TMCO5A: variants seen among roughly 807,000 people sequenced by gnomAD.
TMCO5A encodes the protein transmembrane and coiled-coil domain-containing protein 5A.
A neutral mutation model predicts 42.3 loss-of-function variants in TMCO5A; 34 were observed. The observed-to-expected ratio is 0.80, with a 90% CI of 0.61 to 1.07. The LOEUF is 1.07. TMCO5A is among the 50% of genes least tolerant of loss of function. TMCO5A has a pLI of 0.00. For missense variants in TMCO5A, 357 were observed against 327.9 expected (o/e 1.09, Z -0.69); for synonymous variants, 131 against 115.6 (o/e 1.13, Z -0.86).
the TMCO5A span, among the ~76,000 whole-genome samples, chr15:37,989,333 C>A: frequency 1.3e-5 from 2 of 151,670 alleles, no homozygotes; most frequent in African/African-American, 2.4e-5. Context: ...TTATTTGTTT[C>A]TTCCTGCTAG....
the TMCO5A span, among the ~76,000 whole-genome samples, chr15:37,996,740 T>C: frequency 3.6e-4 from 55 of 152,286 alleles, no homozygotes; most frequent in African/African-American, 1.3e-3. Flanking sequence ...AAGCTGATAC[T>C]AATAACAATG....
chr15:38,038,090 C>G, the TMCO5A span, among the ~76,000 whole-genome samples: 2 of 152,054 alleles, frequency 1.3e-5, no homozygotes, highest in South Asian at 4.2e-4. Flanking sequence ...ATAAACATTC[C>G]TCACCATCCT....
downstream of TMCO5A, among the ~76,000 whole-genome samples, chr15:37,954,331 T>C (rs1276061944): frequency 6.6e-6 from 1 of 152,050 alleles, no homozygotes. Context: ...TAATGTACAA[T>C]GGAGCTGTAA....
chr15:37,978,947 T>C, the TMCO5A span, among the ~76,000 whole-genome samples: 15 of 151,260 alleles, frequency 9.9e-5, no homozygotes, highest in Non-Finnish European at 1.9e-4. Context: ...TCGAGGGGCA[T>C]TGCCACACAC....
At chr15:37,937,539 C>A in intron 5 of TMCO5A, 143 bp downstream of exon 5, 1 of 786,590 alleles carries the variant, frequency 1.3e-6, no homozygotes, top group South Asian at 1.8e-5. Flanking sequence ...CTAATCCACT[C>A]TCCTGAGGCC....
the TMCO5A span, among the ~76,000 whole-genome samples, chr15:37,975,917 C>T: frequency 6.6e-6 from 1 of 151,040 alleles, no homozygotes; most frequent in South Asian, 2.1e-4. Flanking sequence ...AGACAGTCTA[C>T]GGGTAAGAAT....
chr15:37,986,380 GGTGTGTGTGTGTGTGTGTGTGT>G, the TMCO5A span, among the ~76,000 whole-genome samples: 192 of 139,292 alleles, frequency 1.4e-3, 1 homozygote, highest in African/African-American at 4.6e-3. Context: ...GGTAAGGGAT[GGTGTGTGTGTGTGTGTGTGTGT>G]GTGTGTGTGT....
At chr15:37,943,115 G>C in intron 9 of TMCO5A, 1 of 394,060 alleles carries the variant, frequency 2.5e-6, no homozygotes, top group Non-Finnish European at 4.6e-6. Context: ...TTCTGTGCTA[G>C]TTAGTAGGTA....
At chr15:37,989,465 T>G in the TMCO5A span, among the ~76,000 whole-genome samples, 1 of 152,066 alleles carries the variant, frequency 6.6e-6, no homozygotes, top group Non-Finnish European at 1.5e-5. Context: ...GCACTGTTTT[T>G]GCTGCATACA....
intron 7 of TMCO5A, 35 bp from the exon 8 acceptor site, chr15:37,941,636 C>G (rs200564657): frequency 2.0e-6 from 3 of 1,503,146 alleles, no homozygotes; most frequent in Non-Finnish European, 2.8e-6. Flanking sequence ...AGCAATTTAC[C>G]GAAATATATT....
the TMCO5A span, among the ~76,000 whole-genome samples, chr15:38,010,091 G>A: frequency 1.3e-5 from 2 of 151,820 alleles, no homozygotes; most frequent in Non-Finnish European, 2.9e-5. Flanking sequence ...GAGGGAGGCA[G>A]GTCCGGGCGC....
the TMCO5A span, among the ~76,000 whole-genome samples, chr15:38,012,577 C>T: frequency 6.6e-6 from 1 of 151,922 alleles, no homozygotes; most frequent in Admixed American, 6.6e-5. Context: ...GCTCATTTTG[C>T]ACTGCTTTTA....
chr15:38,022,174 C>T, the TMCO5A span, among the ~76,000 whole-genome samples: 1 of 152,088 alleles, frequency 6.6e-6, no homozygotes, highest in East Asian at 1.9e-4. Context: ...TTAGTATTTA[C>T]CCAAAGGAGC....
chr15:38,001,300 G>A, the TMCO5A span, among the ~76,000 whole-genome samples: 2 of 151,882 alleles, frequency 1.3e-5, no homozygotes, highest in East Asian at 1.9e-4. Flanking sequence ...AATCTATTTT[G>A]TATGATATAA....
the TMCO5A span, among the ~76,000 whole-genome samples, chr15:38,000,767 CT>C: frequency 1.3e-5 from 2 of 152,002 alleles, no homozygotes; most frequent in African/African-American, 4.8e-5. Flanking sequence ...CATTGACTTG[CT>C]GGTCATTCAG....
the TMCO5A span, among the ~76,000 whole-genome samples, chr15:37,998,187 A>G: frequency 1.3e-5 from 2 of 151,988 alleles, no homozygotes; most frequent in African/African-American, 2.4e-5. Flanking sequence ...TTTGCTCTGT[A>G]GAAGCTTTTT....
chr15:37,954,378 A>C (rs765724632), downstream of TMCO5A, among the ~76,000 whole-genome samples: 2 of 152,186 alleles, frequency 1.3e-5, no homozygotes, highest in Non-Finnish European at 2.9e-5. Flanking sequence ...AAAATCTTAC[A>C]GACCAGGGGA....
At chr15:37,938,050 T>C (rs998417594) in intron 5 of TMCO5A, 108 bp from the exon 6 acceptor site, 1 of 876,448 alleles carries the variant, frequency 1.1e-6, no homozygotes, top group Non-Finnish European at 1.8e-6. Flanking sequence ...CAAAGGACCA[T>C]ATCCTGGAAA....
rs1157431713 is a variant in TMCO5A at position 37,937,343 on chromosome 15, C to T, written c.265-3C>T. ...GATTTACACTGTTATTTCTCTCTCA[C>T]AGGAAAGGAAGAATAAGACGTTGGT... On this transcript the variant is annotated splice_region_variant and splice_polypyrimidine_tract_variant and intron_variant, in intron 4 of 11. Coordinates refer to ENST00000319669, the MANE Select transcript of TMCO5A (RefSeq NM_152453.4). The T allele has an allele frequency of 1.2e-6, 2 of 1,612,868 alleles. No homozygotes were observed. Among genetic ancestry groups the T allele is most frequent in the African/African-American group, 2.7e-5 (2 of 74,814 alleles).
Sources: allele counts gnomAD v4.1 joint callset (sites outside exome capture counted in the v4.1 genomes callset), GRCh38; gene constraint gnomAD v4.1.1; transcripts MANE v1.5; gene names NCBI Gene and HGNC (gene_info 2026-07-23, HGNC 2026-07-21).